Variants in ZC3H12B observed in about 807,000 individuals in gnomAD.
ZC3H12B encodes probable ribonuclease ZC3H12B.
Under a neutral mutation model 43.9 loss-of-function variants are expected in ZC3H12B, and 7 were observed. The ratio of observed to expected loss-of-function variants is 0.16; its 90% CI spans 0.09 to 0.30. The LOEUF (loss-of-function observed/expected upper bound fraction) is 0.30, where lower values mean the gene tolerates loss of function less well. ZC3H12B is among the 10% of genes least tolerant of loss of function. The pLI, the probability that ZC3H12B is intolerant of heterozygous loss-of-function variation, is 1.00. For missense variants in ZC3H12B, 475 were observed against 670.2 expected (o/e 0.71, Z 3.22); for synonymous variants, 222 against 241.7 (o/e 0.92, Z 0.76).
At chrX:65,055,262 C>G in the ZC3H12B span, among the ~76,000 whole-genome samples, 3 of 111,391 alleles carry the variant, frequency 2.7e-5, no homozygotes, top group African/African-American at 6.5e-5. Flanking sequence ...TATGTCCCAT[C>G]AATACCAAAT....
the ZC3H12B span, among the ~76,000 whole-genome samples, chrX:65,212,046 T>C: frequency 1.6e-5 from 1 of 63,646 alleles, no homozygotes; most frequent in African/African-American, 6.6e-5. Context: ...TAATGTATAA[T>C]ATATAATATA....
chrX:65,168,344 A>T, the ZC3H12B span, among the ~76,000 whole-genome samples: 7 of 111,292 alleles, frequency 6.3e-5, no homozygotes, highest in Non-Finnish European at 1.1e-4. Context: ...ACATTTATTG[A>T]TTTGCATATG....
the ZC3H12B span, among the ~76,000 whole-genome samples, chrX:65,326,657 G>T: frequency 9.0e-6 from 1 of 111,082 alleles, no homozygotes; most frequent in African/African-American, 3.3e-5. Context: ...CTAGAAGAAA[G>T]AATTTGAATG....
chrX:65,444,360 G>A (rs939049771), intron 3 of ZC3H12B, among the ~76,000 whole-genome samples: 1 of 111,832 alleles, frequency 8.9e-6, no homozygotes, highest in Non-Finnish European at 1.9e-5. Flanking sequence ...GGAGGTTATC[G>A]AATAATGGGG....
intron 2 of ZC3H12B, among the ~76,000 whole-genome samples, chrX:65,391,228 A>C (rs2066611826): frequency 8.9e-6 from 1 of 112,344 alleles, no homozygotes; most frequent in African/African-American, 3.2e-5. Flanking sequence ...AAGGTTTACA[A>C]AATCTATTTA....
intron 2 of ZC3H12B, among the ~76,000 whole-genome samples, chrX:65,397,544 G>C (rs1162375056): frequency 9.0e-6 from 1 of 111,472 alleles, no homozygotes; most frequent in Non-Finnish European, 1.9e-5. Flanking sequence ...CTGGCTTGTA[G>C]GGTTTCTGCA....
chrX:65,502,856 C>A, exon 5 of ZC3H12B: 1 of 1,211,417 alleles, frequency 8.3e-7, no homozygotes, highest in Non-Finnish European at 1.1e-6. Context: ...GCAAAGACGA[C>A]CTCCCCTGTG....
the ZC3H12B span, among the ~76,000 whole-genome samples, chrX:65,103,863 A>T: frequency 2.7e-5 from 3 of 111,858 alleles, no homozygotes; most frequent in African/African-American, 9.7e-5. Context: ...TTGTAGATTC[A>T]ATACTATTAT....
chrX:65,341,776 G>T, the ZC3H12B span, among the ~76,000 whole-genome samples: 1 of 109,227 alleles, frequency 9.2e-6, no homozygotes, highest in African/African-American at 3.4e-5. Flanking sequence ...ACACAGATCA[G>T]TGACCCTATA....
the ZC3H12B span, among the ~76,000 whole-genome samples, chrX:65,040,004 C>T: frequency 9.0e-6 from 1 of 111,508 alleles, no homozygotes; most frequent in African/African-American, 3.3e-5. Context: ...AGAGGAATAA[C>T]TTCTCTGTTC....
At chrX:65,128,435 A>G in the ZC3H12B span, among the ~76,000 whole-genome samples, 8 of 111,559 alleles carry the variant, frequency 7.2e-5, no homozygotes, top group Non-Finnish European at 1.5e-4. Flanking sequence ...CCTTGGTATG[A>G]TTTCAGTTCT....
chrX:65,175,753 G>A, the ZC3H12B span, among the ~76,000 whole-genome samples: 27 of 112,159 alleles, frequency 2.4e-4, no homozygotes, highest in Non-Finnish European at 3.6e-4. Flanking sequence ...CATGAAGCAC[G>A]GTGGGGCGTT....
chrX:65,451,230 G>A (rs1179697448), intron 3 of ZC3H12B, among the ~76,000 whole-genome samples: 2 of 110,888 alleles, frequency 1.8e-5, no homozygotes, highest in Non-Finnish European at 3.8e-5. Flanking sequence ...GATTACAGGT[G>A]TGAGCCACCA....
At chrX:65,177,717 G>A in the ZC3H12B span, among the ~76,000 whole-genome samples, 1 of 111,552 alleles carries the variant, frequency 9.0e-6, no homozygotes, top group Non-Finnish European at 1.9e-5. Context: ...CAACTTAAAA[G>A]GGATATGAAG....
intron 3 of ZC3H12B, among the ~76,000 whole-genome samples, chrX:65,433,350 C>T (rs767503470): frequency 3.6e-5 from 4 of 112,080 alleles, no homozygotes; most frequent in Middle Eastern, 9.2e-3. Context: ...TCCAGTAGTG[C>T]TTTTGGTTTA....
chrX:65,240,578 C>G, the ZC3H12B span, among the ~76,000 whole-genome samples: 1 of 111,687 alleles, frequency 9.0e-6, no homozygotes, highest in Non-Finnish European at 1.9e-5. Flanking sequence ...ATTCAGCCAC[C>G]TCAGCCTCAG....
the ZC3H12B span, among the ~76,000 whole-genome samples, chrX:65,147,435 G>T: frequency 1.8e-5 from 2 of 111,739 alleles, no homozygotes; most frequent in African/African-American, 6.5e-5. Context: ...GTCTTTGAGG[G>T]TGGGCCTGGA....
intron 2 of ZC3H12B, among the ~76,000 whole-genome samples, chrX:65,388,429 A>C (rs887914107): frequency 8.9e-6 from 1 of 112,329 alleles, no homozygotes; most frequent in Admixed American, 9.5e-5. Flanking sequence ...CCAGTTGATC[A>C]AATCGGCTAC....
At chrX:65,214,721 A>T in the ZC3H12B span, among the ~76,000 whole-genome samples, 3 of 111,792 alleles carry the variant, frequency 2.7e-5, no homozygotes, top group Non-Finnish European at 5.6e-5. Context: ...ACCTCTTCTC[A>T]TGAATCATGA....
Sources: allele counts gnomAD v4.1 joint callset (sites outside exome capture counted in the v4.1 genomes callset), GRCh38; gene constraint gnomAD v4.1.1; transcripts MANE v1.5; gene names NCBI Gene and HGNC (gene_info 2026-07-23, HGNC 2026-07-21).